SPAG16: variants seen among roughly 807,000 people sequenced by gnomAD.
SPAG16 encodes sperm associated antigen 16.
Under a neutral mutation model 80.4 loss-of-function variants are expected in SPAG16, and 86 were observed. That is an observed-to-expected ratio of 1.07 (90% CI 0.90 to 1.28). The LOEUF is 1.28. Among genes scored for constraint, SPAG16 ranks in the 50% most tolerant of loss-of-function variants. SPAG16 has a pLI of 0.00. For synonymous variants in SPAG16, 294 were observed against 265.9 expected (o/e 1.11, Z -1.03); for missense variants, 870 against 765.3 (o/e 1.14, Z -1.61).
intron 15 of SPAG16, among the ~76,000 whole-genome samples, chr2:214,314,098 A>G (rs1695516522): frequency 6.6e-6 from 1 of 152,088 alleles, no homozygotes; most frequent in Non-Finnish European, 1.5e-5. Context: ...CTAACATTGC[A>G]TTGTTACTAC....
rs2054717136 is a variant in SPAG16 at position 214,130,576 on chromosome 2, C to A, written c.1594-18564C>A. 2.0e-5 allele frequency among the ~76,000 whole-genome samples: 3 copies of A among 152,198 alleles called. No individual in the cohort carries two copies. The South Asian group carries it at 6.2e-4, about 31-fold the overall frequency. ...GTAAGCTTCAATTTTTACTTCATATCTCTTTGGTTTTATTTCTTCATATTC... is the reference window on the plus strand; with the variant it reads ...GTAAGCTTCAATTTTTACTTCATATATCTTTGGTTTTATTTCTTCATATTC... On this transcript the variant is annotated intron_variant, in intron 14 of 15. Coordinates refer to ENST00000331683, the MANE Select transcript of SPAG16 (RefSeq NM_024532.5).
At chr2:214,164,130 C>T (rs1038891743) in intron 15 of SPAG16, among the ~76,000 whole-genome samples, 2 of 152,010 alleles carry the variant, frequency 1.3e-5, no homozygotes, top group African/African-American at 4.8e-5. Context: ...ATTTACTATG[C>T]CCTATTCTAG....
intron 10 of SPAG16, among the ~76,000 whole-genome samples, chr2:213,582,975 A>T (rs2124866718): frequency 6.6e-6 from 1 of 152,290 alleles, no homozygotes; most frequent in South Asian, 2.1e-4. Context: ...AAAGAGGCAC[A>T]TTAAGGTTTA....
intron 10 of SPAG16, among the ~76,000 whole-genome samples, chr2:213,620,947 C>T (rs1007022515): frequency 6.6e-6 from 1 of 151,700 alleles, no homozygotes; most frequent in Non-Finnish European, 1.5e-5. Context: ...CAAGCTCATG[C>T]TTAACTGGAC....
At chr2:213,540,613 T>A (rs1045446410) in intron 10 of SPAG16, among the ~76,000 whole-genome samples, 1 of 152,218 alleles carries the variant, frequency 6.6e-6, no homozygotes, top group African/African-American at 2.4e-5. Flanking sequence ...TCAAACAGAA[T>A]TAGAAGACTT....
chr2:213,593,127 A>G (rs541554347), intron 10 of SPAG16, among the ~76,000 whole-genome samples: 1 of 152,304 alleles, frequency 6.6e-6, no homozygotes, highest in South Asian at 2.1e-4. Flanking sequence ...TCATTCAAAG[A>G]TTAGCCAATG....
intron 11 of SPAG16, among the ~76,000 whole-genome samples, chr2:213,888,126 G>T (rs1016745312): frequency 1.3e-5 from 2 of 151,900 alleles, no homozygotes; most frequent in Non-Finnish European, 2.9e-5. Context: ...GCTTTGAATA[G>T]ACTTATGTTT....
chr2:214,376,891 T>C (rs1465565960), intron 15 of SPAG16, among the ~76,000 whole-genome samples: 1 of 152,238 alleles, frequency 6.6e-6, no homozygotes, highest in East Asian at 1.9e-4. Flanking sequence ...AGGTTTGAAC[T>C]GCCTCGGTGC....
chr2:214,129,065 T>C (rs2054629347), intron 14 of SPAG16, among the ~76,000 whole-genome samples: 1 of 150,402 alleles, frequency 6.6e-6, no homozygotes. Context: ...AGGTAGTTCT[T>C]CCTAGGCCCC....
intron 10 of SPAG16, among the ~76,000 whole-genome samples, chr2:213,521,380 T>C (rs1284536641): frequency 2.6e-5 from 4 of 152,204 alleles, no homozygotes; most frequent in Non-Finnish European, 5.9e-5. Flanking sequence ...GTGCTGATTC[T>C]AGTCTGTAGC....
intron 15 of SPAG16, among the ~76,000 whole-genome samples, chr2:214,360,082 A>G (rs1699086774): frequency 6.6e-6 from 1 of 151,906 alleles, no homozygotes; most frequent in African/African-American, 2.4e-5. Flanking sequence ...ACCTTCAGTC[A>G]GCTACAAATC....
intron 10 of SPAG16, among the ~76,000 whole-genome samples, chr2:213,512,146 G>A (rs1267039401): frequency 1.3e-5 from 2 of 151,974 alleles, no homozygotes; most frequent in African/African-American, 4.8e-5. Flanking sequence ...AATTTTCAGT[G>A]GCACTGAAAA....
chr2:213,421,371 A>G (rs1036145851), intron 9 of SPAG16, among the ~76,000 whole-genome samples: 5 of 152,210 alleles, frequency 3.3e-5, no homozygotes, highest in Non-Finnish European at 7.3e-5. Flanking sequence ...CAACAAACAC[A>G]AGAGAGAGGC....
chr2:213,416,759 G>C (rs1292121612), intron 9 of SPAG16, among the ~76,000 whole-genome samples: 2 of 152,204 alleles, frequency 1.3e-5, no homozygotes, highest in African/African-American at 2.4e-5. Flanking sequence ...GGAGACAGAA[G>C]AGAGGATCAG....
chr2:213,658,624 G>A (rs755458712), intron 10 of SPAG16, among the ~76,000 whole-genome samples: 3 of 152,132 alleles, frequency 2.0e-5, no homozygotes, highest in South Asian at 2.1e-4. Flanking sequence ...GTCGTGCATG[G>A]GTAGCAGAGC....
rs35035036 is a variant in SPAG16, at chr2:214,046,906, GAA to G, written c.1527+32839_1527+32840del. On this transcript the variant is annotated intron_variant, in intron 13 of 15. Transcript: ENST00000331683. ...TCTATATGTCAAAAGTAAACAATCT[GAA>G]AAAAAAAAACAATTTAGCAATCCCA... Among the ~76,000 whole-genome samples the G allele has an allele frequency of 4.3e-4, 63 of 145,468 alleles. 1 individual carries two copies. The highest frequency in any genetic ancestry group is 1.2e-3 in the African/African-American group (48 of 39,964).
chr2:214,139,156 TC>T (rs1025116203), intron 14 of SPAG16, among the ~76,000 whole-genome samples: 2 of 151,930 alleles, frequency 1.3e-5, no homozygotes, highest in African/African-American at 4.8e-5. Context: ...TTCTTGTATT[TC>T]TTTTTGTTAT....
intron 10 of SPAG16, among the ~76,000 whole-genome samples, chr2:213,751,677 C>T (rs2068084325): frequency 6.6e-6 from 1 of 152,198 alleles, no homozygotes; most frequent in Admixed American, 6.5e-5. Context: ...ACACGCACGC[C>T]TGAACTTAAC....
chr2:214,336,678 T>C (rs1041960596), intron 15 of SPAG16, among the ~76,000 whole-genome samples: 7 of 151,974 alleles, frequency 4.6e-5, no homozygotes, highest in Non-Finnish European at 8.8e-5. Flanking sequence ...ATTAGAAATA[T>C]TGAGCCGGAT....
Sources: gnomAD v4.1 joint callset for allele counts (sites outside exome capture counted in the v4.1 genomes callset) on GRCh38, gnomAD v4.1.1 for gene constraint, MANE v1.5 for transcripts, NCBI Gene and HGNC (gene_info 2026-07-23, HGNC 2026-07-21) for gene names.